RHOH: variants seen among roughly 807,000 people sequenced by gnomAD.
RHOH encodes the protein ras homolog family member H.
In RHOH, 6 loss-of-function variants were observed where a neutral mutation model predicts 13.8. The ratio of observed to expected loss-of-function variants is 0.44; its 90% confidence interval spans 0.24 to 0.86. The LOEUF is 0.86. Ranked by LOEUF, RHOH falls within the 40% of genes least tolerant of loss-of-function variation. The pLI is 0.24. For synonymous variants in RHOH, 117 were observed against 103.0 expected (o/e 1.14, Z -0.82); for missense variants, 147 against 244.5 (o/e 0.60, Z 2.66).
intron 1 of RHOH, among the ~76,000 whole-genome samples, chr4:40,233,001 A>G (rs1424028727): frequency 2.0e-5 from 3 of 152,114 alleles, no homozygotes; most frequent in African/African-American, 7.2e-5. Context: ...TCATCATCAT[A>G]GCAGCTACTA....
chr4:40,213,214 A>G (rs558497114), intron 1 of RHOH, among the ~76,000 whole-genome samples: 3 of 152,280 alleles, frequency 2.0e-5, no homozygotes, highest in East Asian at 3.9e-4. Context: ...TTATGTGAAC[A>G]ACGGTGCAAA....
chr4:40,198,260 G>A (rs991317839), intron 1 of RHOH, among the ~76,000 whole-genome samples: 5 of 152,190 alleles, frequency 3.3e-5, no homozygotes, highest in Admixed American at 6.5e-5. Flanking sequence ...GAAGGGGCAG[G>A]TGATTTCAGA....
chr4:40,246,187 A>C lies in RHOH; in HGVS notation c.*2225A>C, dbSNP rs1488572912. The C allele has an allele frequency of 6.6e-6, 1 of 152,246 alleles. No individual in the cohort carries two copies. Among genetic ancestry groups the C allele is most frequent in the African/African-American group, 2.4e-5 (1 of 41,458 alleles). 9.4% of individuals were successfully genotyped at this position (152,246 alleles called of 1,614,324 possible). Reference sequence around the variant, plus strand: ...CGGGTGTTCAGGGCCAGCCTTTGCCATGAGAGGTATTTAACATGTCAGTGG... The same window carrying C: ...CGGGTGTTCAGGGCCAGCCTTTGCCCTGAGAGGTATTTAACATGTCAGTGG... On this transcript the variant is annotated 3_prime_UTR_variant, in exon 3 of 3. Coordinates refer to ENST00000381799, the MANE Select transcript of RHOH (RefSeq NM_004310.5).
chr4:40,224,165 C>G (rs749310054), intron 1 of RHOH, among the ~76,000 whole-genome samples: 1 of 152,164 alleles, frequency 6.6e-6, no homozygotes, highest in African/African-American at 2.4e-5. Context: ...GAACTGAACC[C>G]GCGATATCTG....
At chr4:40,202,839 A>G (rs1724176760) in intron 1 of RHOH, among the ~76,000 whole-genome samples, 1 of 152,242 alleles carries the variant, frequency 6.6e-6, no homozygotes, top group Non-Finnish European at 1.5e-5. Context: ...CGCTGATCTC[A>G]GAGGTGAACA....
At chr4:40,229,273 G>A (rs1579308049) in intron 1 of RHOH, among the ~76,000 whole-genome samples, 1 of 152,062 alleles carries the variant, frequency 6.6e-6, no homozygotes, top group African/African-American at 2.4e-5. Context: ...TCACTATAGC[G>A]TAAAGTATAC....
intron 1 of RHOH, among the ~76,000 whole-genome samples, chr4:40,232,398 T>G (rs1728050958): frequency 6.6e-6 from 1 of 151,788 alleles, no homozygotes; most frequent in Non-Finnish European, 1.5e-5. Context: ...CTAATTTTTT[T>G]TTTTTTAGTA....
At position 40,244,075 on chromosome 4, in the gene RHOH, C is replaced by T. The variant is rs1000887722; in HGVS notation, c.*113C>T. ...TTTTCTCTGGGTACACCCCAAGCAGCGTCTCCTTTTGGATACAGTTATTGA... is the reference window on the plus strand; with the variant it reads ...TTTTCTCTGGGTACACCCCAAGCAGTGTCTCCTTTTGGATACAGTTATTGA... On this transcript the variant is annotated 3_prime_UTR_variant, in exon 3 of 3. Coordinates refer to ENST00000381799, the MANE Select transcript of RHOH (RefSeq NM_004310.5). The T allele has an allele frequency of 8.5e-6, 7 of 826,160 alleles. No homozygotes were observed. The highest frequency in any genetic ancestry group is 5.2e-5 in the African/African-American group (3 of 57,756). The allele number at this position is 826,160 out of a possible 1,614,324, so 51.2% of individuals were successfully genotyped here.
chr4:40,209,113 T>A (rs1724974083), intron 1 of RHOH, among the ~76,000 whole-genome samples: 1 of 152,150 alleles, frequency 6.6e-6, no homozygotes, highest in Admixed American at 6.5e-5. Flanking sequence ...AGAAATTAGT[T>A]AAAATGATTC....
intron 1 of RHOH, among the ~76,000 whole-genome samples, chr4:40,206,968 G>A (rs978535771): frequency 6.6e-6 from 1 of 152,120 alleles, no homozygotes; most frequent in Non-Finnish European, 1.5e-5. Context: ...CAGCACTTTG[G>A]GAGGCTGAAG....
intron 1 of RHOH, among the ~76,000 whole-genome samples, chr4:40,240,969 C>T (rs1729171200): frequency 6.6e-6 from 1 of 151,616 alleles, no homozygotes; most frequent in Non-Finnish European, 1.5e-5. Context: ...CCAGCCTGAA[C>T]AATATAATGA....
upstream of RHOH, among the ~76,000 whole-genome samples, chr4:40,196,509 C>T (rs937768479): frequency 3.3e-5 from 5 of 152,286 alleles, no homozygotes; most frequent in Non-Finnish European, 5.9e-5. Context: ...GGTGAACGCA[C>T]GGCAGGGGGC....
chr4:40,206,961 C>T (rs770629009), intron 1 of RHOH, among the ~76,000 whole-genome samples: 8 of 152,142 alleles, frequency 5.3e-5, no homozygotes, highest in Non-Finnish European at 1.2e-4. Context: ...GTAATCCCAG[C>T]ACTTTGGGAG....
At chr4:40,238,714 C>T (rs752667261) in intron 1 of RHOH, among the ~76,000 whole-genome samples, 7 of 152,178 alleles carry the variant, frequency 4.6e-5, no homozygotes, top group Non-Finnish European at 1.0e-4. Context: ...TGATTCAAAG[C>T]CTGAGAAGAA....
At position 40,231,312 on chromosome 4, in the gene RHOH, T is replaced by C. The variant is rs1356283787; in HGVS notation, c.-330-11402T>C. Among the ~76,000 whole-genome samples, 3 of 135,090 alleles carry C rather than the reference T, an allele frequency of 2.2e-5. No individual in the cohort carries two copies. The Admixed American group carries it at 2.7e-4, about 12-fold the overall frequency. 88.6% of individuals were successfully genotyped at this position (135,090 alleles called of 152,430 possible). Reference sequence around the variant, plus strand: ...GGTTTGTGCAAGACCCACCTATTCTTAGGTGATTTTTTTTTTTTTTTTTTT... The same window carrying C: ...GGTTTGTGCAAGACCCACCTATTCTCAGGTGATTTTTTTTTTTTTTTTTTT... On this transcript the variant is annotated intron_variant, in intron 1 of 2. Transcript: ENST00000381799.
chr4:40,206,944 C>T (rs1336213046), intron 1 of RHOH, among the ~76,000 whole-genome samples: 2 of 152,130 alleles, frequency 1.3e-5, no homozygotes, highest in Admixed American at 6.5e-5. Flanking sequence ...CGCGGTGGCT[C>T]ATGCCTGTAA....
At chr4:40,238,437 G>A (rs62303870) in intron 1 of RHOH, among the ~76,000 whole-genome samples, 43 of 152,326 alleles carry the variant, frequency 2.8e-4, no homozygotes, top group East Asian at 3.9e-4. Flanking sequence ...TCAGTTCTCC[G>A]GAGGAGGAAA....
At chr4:40,236,381 A>G (rs1174830367) in intron 1 of RHOH, among the ~76,000 whole-genome samples, 1 of 152,258 alleles carries the variant, frequency 6.6e-6, no homozygotes, top group African/African-American at 2.4e-5. Flanking sequence ...CAAAGTACTC[A>G]GTATAGTACT....
At chr4:40,197,522 T>A (rs191590069) in intron 1 of RHOH, among the ~76,000 whole-genome samples, 1 of 152,316 alleles carries the variant, frequency 6.6e-6, no homozygotes, top group African/African-American at 2.4e-5. Context: ...ACATGAAAAG[T>A]TACAATAGTT....
Sources: allele counts gnomAD v4.1 joint callset (sites outside exome capture counted in the v4.1 genomes callset), GRCh38; gene constraint gnomAD v4.1.1; transcripts MANE v1.5; gene names NCBI Gene and HGNC (gene_info 2026-07-23, HGNC 2026-07-21).